The following PDZRN4 variants were observed in gnomAD, a reference collection of about 807,000 sequenced individuals.
PDZRN4 encodes PDZ domain-containing RING finger protein 4.
In PDZRN4, 70 loss-of-function variants were observed where a neutral mutation model predicts 99.0. That is an observed-to-expected ratio of 0.71 (90% confidence interval 0.58 to 0.86). The LOEUF (loss-of-function observed/expected upper bound fraction) is 0.86. PDZRN4 is among the 40% of genes least tolerant of loss of function. PDZRN4 has a pLI of 0.00. For synonymous variants in PDZRN4, 551 were observed against 501.6 expected (o/e 1.10, Z -1.32); for missense variants, 1,474 against 1,331.2 (o/e 1.11, Z -1.67).
intron 8 of PDZRN4, among the ~76,000 whole-genome samples, chr12:41,563,889 G>A (rs1939316721): frequency 6.6e-6 from 1 of 152,158 alleles, no homozygotes; most frequent in Non-Finnish European, 1.5e-5. Context: ...TTTATCAAAA[G>A]TATTACACAT....
At chr12:41,419,035 C>A (rs1952469637) in intron 3 of PDZRN4, among the ~76,000 whole-genome samples, 1 of 152,158 alleles carries the variant, frequency 6.6e-6, no homozygotes, top group African/African-American at 2.4e-5. Flanking sequence ...TAGGATTTTC[C>A]TGTGCTAATT....
intron 3 of PDZRN4, among the ~76,000 whole-genome samples, chr12:41,355,998 T>G (rs1465635009): frequency 6.6e-6 from 1 of 152,022 alleles, no homozygotes; most frequent in Non-Finnish European, 1.5e-5. Context: ...ATGTGAACAT[T>G]CAAAGATCCT....
chr12:41,306,122 C>G (rs1951567699), intron 3 of PDZRN4, among the ~76,000 whole-genome samples: 1 of 152,152 alleles, frequency 6.6e-6, no homozygotes, highest in Admixed American at 6.5e-5. Context: ...GGATTGAGAA[C>G]AATCATTGGT....
intron 1 of PDZRN4, among the ~76,000 whole-genome samples, chr12:41,189,659 T>C (rs1591960604): frequency 6.6e-6 from 1 of 152,164 alleles, no homozygotes; most frequent in African/African-American, 2.4e-5. Flanking sequence ...TGAGGCACGT[T>C]GGGGCCAGGA....
intron 8 of PDZRN4, 86 bp downstream of exon 8, chr12:41,563,735 T>C (rs963693790): frequency 5.8e-6 from 5 of 865,564 alleles, no homozygotes; most frequent in Admixed American, 2.2e-5. Flanking sequence ...ATTATATTCA[T>C]TATCTGCTAT....
chr12:41,273,830 A>G (rs1951332332), intron 3 of PDZRN4, among the ~76,000 whole-genome samples: 1 of 152,126 alleles, frequency 6.6e-6, no homozygotes, highest in African/African-American at 2.4e-5. Flanking sequence ...GCTATTTATC[A>G]TTAAATTTAC....
In PDZRN4 at chr12:41,188,785, C is replaced by A. The variant is rs376071936; in HGVS notation, c.330C>A (p.Arg110=). 61 of 1,377,838 alleles carry A rather than the reference C, an allele frequency of 4.4e-5. No individual in the cohort carries two copies. In the African/African-American group the frequency reaches 9.1e-4, roughly 21 times the overall value. 85.4% of individuals were successfully genotyped at this position (1,377,838 alleles called of 1,614,324 possible). A position where few individuals can be genotyped will look rare whatever the true frequency, so the allele number is the denominator to read the frequency against. Residue 110 remains arginine, a synonymous_variant, in exon 1 of 10, where the codon CGC becomes CGA. Coordinates refer to ENST00000402685, the MANE Select transcript of PDZRN4 (RefSeq NM_001164595.2). ...HVEHCDFGPA[R]RLRSRGGCAS... is the part of the protein sequence containing the mutation. ...AGCACTGCGACTTCGGCCCTGCCCG[C>A]CGGCTCCGCAGCCGCGGGGGCTGCG...
chr12:41,333,602 G>T (rs1175954599), intron 3 of PDZRN4, among the ~76,000 whole-genome samples: 1 of 152,066 alleles, frequency 6.6e-6, no homozygotes, highest in African/African-American at 2.4e-5. Context: ...CCTTCATTCT[G>T]CCTTCACTCC....
intron 3 of PDZRN4, among the ~76,000 whole-genome samples, chr12:41,461,203 T>G (rs1040330531): frequency 1.9e-5 from 2 of 104,920 alleles, no homozygotes; most frequent in Non-Finnish European, 3.8e-5. Flanking sequence ...GAGTATTACT[T>G]TCCTTTTTTT....
chr12:41,544,190 T>C (rs1483013275), intron 5 of PDZRN4, among the ~76,000 whole-genome samples: 3 of 152,218 alleles, frequency 2.0e-5, no homozygotes, highest in East Asian at 3.8e-4. Context: ...AGTGAATAAG[T>C]AAAAACTGAA....
At chr12:41,234,917 G>C (rs1348686444) in intron 3 of PDZRN4, among the ~76,000 whole-genome samples, 1 of 152,034 alleles carries the variant, frequency 6.6e-6, no homozygotes, top group Non-Finnish European at 1.5e-5. Flanking sequence ...GAGAGACTGA[G>C]GAAGGATGCA....
At chr12:41,413,757 T>G (rs1952418488) in intron 3 of PDZRN4, among the ~76,000 whole-genome samples, 1 of 152,178 alleles carries the variant, frequency 6.6e-6, no homozygotes, top group Non-Finnish European at 1.5e-5. Context: ...TGTCTTGTTT[T>G]TTTAATCCAA....
chr12:41,367,631 T>A (rs1041772106), intron 3 of PDZRN4, among the ~76,000 whole-genome samples: 1 of 152,094 alleles, frequency 6.6e-6, no homozygotes, highest in African/African-American at 2.4e-5. Context: ...CATGAACACT[T>A]TCACAAGATG....
chr12:41,274,077 C>T (rs1270764394), intron 3 of PDZRN4, among the ~76,000 whole-genome samples: 2 of 151,982 alleles, frequency 1.3e-5, no homozygotes, highest in Non-Finnish European at 2.9e-5. Flanking sequence ...TAAGTAAGGA[C>T]ATTATATATT....
intron 3 of PDZRN4, among the ~76,000 whole-genome samples, chr12:41,362,388 A>G (rs538374766): frequency 2.1e-4 from 32 of 152,082 alleles, no homozygotes; most frequent in African/African-American, 7.2e-4. Flanking sequence ...CTGATTAAAA[A>G]TAATAATTTT....
At chr12:41,202,477 G>C in intron 3 of PDZRN4, among the ~76,000 whole-genome samples, 1 of 152,078 alleles carries the variant, frequency 6.6e-6, no homozygotes, top group East Asian at 1.9e-4. Context: ...AGAGAAAGGT[G>C]ACTGACATGG....
In PDZRN4 at chr12:41,293,834, A is replaced by G. The variant is rs147509172; in HGVS notation, c.843+99646A>G. 1.0e-3 allele frequency among the ~76,000 whole-genome samples: 152 copies of G among 152,310 alleles called. 3 individuals carry two copies. The highest frequency in any genetic ancestry group is 3.5e-3 in the African/African-American group (147 of 41,576). ...TGTTTAATTATTCATTCTAGATGTC[A>G]TGGAGAATGATACAGTACTGCAAAA... On this transcript the variant is annotated intron_variant, in intron 3 of 9. Transcript: ENST00000402685.
intron 5 of PDZRN4, among the ~76,000 whole-genome samples, chr12:41,531,999 A>C (rs570042665): frequency 6.6e-6 from 1 of 152,302 alleles, no homozygotes; most frequent in East Asian, 1.9e-4. Context: ...GTCTAAAAAA[A>C]TCTTTCTTTC....
At chr12:41,303,274 T>C (rs1357299915) in intron 3 of PDZRN4, among the ~76,000 whole-genome samples, 1 of 152,168 alleles carries the variant, frequency 6.6e-6, no homozygotes, top group Non-Finnish European at 1.5e-5. Flanking sequence ...TGATGTGGCA[T>C]AATTACAAAG....
Sources: gnomAD v4.1 joint callset for allele counts (sites outside exome capture counted in the v4.1 genomes callset) on GRCh38, gnomAD v4.1.1 for gene constraint, MANE v1.5 for transcripts, NCBI Gene and HGNC (gene_info 2026-07-23, HGNC 2026-07-21) for gene names.